The following RFX3 variants were observed in gnomAD, a reference collection of about 807,000 sequenced individuals.
RFX3 encodes transcription factor RFX3.
In RFX3, 14 loss-of-function variants were observed where a neutral mutation model predicts 98.6. The observed-to-expected ratio is 0.14, with a 90% CI of 0.09 to 0.22. The LOEUF (loss-of-function observed/expected upper bound fraction) is 0.22, where lower values mean the gene tolerates loss of function less well. Ranked by LOEUF, RFX3 falls within the 10% of genes least tolerant of loss-of-function variation. The pLI, the probability that RFX3 is intolerant of heterozygous loss-of-function variation, is 1.00. For synonymous variants in RFX3, 383 were observed against 328.4 expected, an observed-to-expected ratio of 1.17 and a Z score of -1.80; for missense variants, 639 against 926.9, an observed-to-expected ratio of 0.69 and a Z score of 4.03.
intron 14 of RFX3, among the ~76,000 whole-genome samples, chr9:3,254,430 C>G (rs930439039): frequency 4.6e-5 from 7 of 152,122 alleles, no homozygotes; most frequent in Non-Finnish European, 2.9e-5. Flanking sequence ...AGTCAGTGTA[C>G]TGCTGTTTCA....
At chr9:3,410,480 G>A (rs1422980669) in intron 1 of RFX3, among the ~76,000 whole-genome samples, 1 of 151,988 alleles carries the variant, frequency 6.6e-6, no homozygotes, top group Non-Finnish European at 1.5e-5. Flanking sequence ...AGTTTTCCTG[G>A]AAGAGGGAAA....
chr9:3,228,240 C>T (rs1387405241), intron 16 of RFX3, among the ~76,000 whole-genome samples: 1 of 152,090 alleles, frequency 6.6e-6, no homozygotes, highest in Non-Finnish European at 1.5e-5. Flanking sequence ...CCCCTAAGTC[C>T]ACCTTGCTTT....
chr9:3,369,586 G>C (rs1837578014), intron 2 of RFX3, among the ~76,000 whole-genome samples: 1 of 152,122 alleles, frequency 6.6e-6, no homozygotes, highest in Non-Finnish European at 1.5e-5. Flanking sequence ...AAAAGTAATT[G>C]AAATGGTAGA....
At chr9:3,390,043 T>C (rs533307837) in intron 2 of RFX3, among the ~76,000 whole-genome samples, 3 of 152,200 alleles carry the variant, frequency 2.0e-5, no homozygotes, top group South Asian at 4.1e-4. Context: ...TACTACACGG[T>C]GAAATTAGAA....
intron 1 of RFX3, among the ~76,000 whole-genome samples, chr9:3,512,045 T>C (rs928731743): frequency 6.6e-6 from 1 of 152,032 alleles, no homozygotes; most frequent in African/African-American, 2.4e-5. Context: ...TATGCATGTA[T>C]CGAAATATCC....
intron 15 of RFX3, among the ~76,000 whole-genome samples, chr9:3,242,643 C>T (rs757727826): frequency 2.6e-5 from 4 of 152,008 alleles, no homozygotes; most frequent in Admixed American, 2.6e-4. Context: ...GAGCTTTTAT[C>T]CCAAAAGCTT....
intron 4 of RFX3, among the ~76,000 whole-genome samples, chr9:3,315,154 C>T (rs1830441099): frequency 6.6e-6 from 1 of 152,088 alleles, no homozygotes; most frequent in Non-Finnish European, 1.5e-5. Context: ...TGTAAAAGAA[C>T]AGAAATTATA....
intron 6 of RFX3, among the ~76,000 whole-genome samples, chr9:3,291,613 T>C (rs911853300): frequency 6.6e-6 from 1 of 152,136 alleles, no homozygotes; most frequent in East Asian, 1.9e-4. Context: ...CTCCCAGTCA[T>C]GTAAAACTTA....
chr9:3,499,162 C>T (rs1276144550), intron 1 of RFX3, among the ~76,000 whole-genome samples: 1 of 152,046 alleles, frequency 6.6e-6, no homozygotes, highest in Non-Finnish European at 1.5e-5. Context: ...CTACCAATCC[C>T]AAGTTTTTAT....
chr9:3,259,589 C>G (rs978606614), intron 13 of RFX3, among the ~76,000 whole-genome samples: 11 of 151,484 alleles, frequency 7.3e-5, no homozygotes, highest in African/African-American at 2.7e-4. Context: ...CAACTATATG[C>G]AATAGCTAAG....
intron 1 of RFX3, among the ~76,000 whole-genome samples, chr9:3,431,436 A>G (rs186871935): frequency 5.3e-5 from 8 of 152,306 alleles, no homozygotes. Flanking sequence ...TACCAAAGGC[A>G]TGAACACAGC....
At chr9:3,259,190 T>G (rs1423476660) in intron 13 of RFX3, among the ~76,000 whole-genome samples, 1 of 152,072 alleles carries the variant, frequency 6.6e-6, no homozygotes, top group Non-Finnish European at 1.5e-5. Context: ...ACGTTGATAA[T>G]TGGAAGGAGA....
chr9:3,480,394 G>A (rs541366197), intron 1 of RFX3, among the ~76,000 whole-genome samples: 24 of 152,296 alleles, frequency 1.6e-4, no homozygotes, highest in South Asian at 1.0e-3. Flanking sequence ...AAAAGCATAA[G>A]TTGTCGGGCC....
At position 3,424,392 on chromosome 9, in the gene RFX3, C is replaced by T. The variant is rs576825387; in HGVS notation, c.-8-28796G>A. ...TTTTTTTTTTTTTGAGACGGAGTCT[C>T]GCTCTGTCGCCCAGGCTGGAGTGCA... On this transcript the variant is annotated intron_variant, in intron 1 of 16. Transcript: ENST00000617270. Among the ~76,000 whole-genome samples the T allele has an allele frequency of 9.3e-3, 1,017 of 109,530 alleles. 7 individuals carry two copies. The highest frequency in any genetic ancestry group is 0.013 in the Non-Finnish European group (750 of 58,710). The allele number at this position is 109,530 out of a possible 152,430, so 71.9% of individuals were successfully genotyped here.
rs975064289 is a variant in RFX3 at position 3,223,565 on chromosome 9, C to T, written c.*1477G>A. The T allele has an allele frequency of 6.6e-6, 1 of 152,222 alleles. No homozygotes were observed. The highest frequency in any genetic ancestry group is 2.1e-4 in the South Asian group (1 of 4,832). 9.4% of individuals were successfully genotyped at this position (152,222 alleles called of 1,614,324 possible). ...TAGCCTGCTATTCCACACCCTTAAG[C>T]AATCTGATTTGTAATCAAGTAATAT... On this transcript the variant is annotated 3_prime_UTR_variant, in exon 17 of 17. Coordinates refer to ENST00000617270, the MANE Select transcript of RFX3 (RefSeq NM_001282116.2).
chr9:3,518,990 T>C (rs1554731556), intron 1 of RFX3, among the ~76,000 whole-genome samples: 2 of 152,048 alleles, frequency 1.3e-5, no homozygotes, highest in Non-Finnish European at 2.9e-5. Context: ...GACTAGACTA[T>C]TTATTATTAT....
intron 1 of RFX3, among the ~76,000 whole-genome samples, chr9:3,430,054 G>C (rs894462677): frequency 3.3e-5 from 5 of 152,190 alleles, no homozygotes; most frequent in African/African-American, 1.2e-4. Flanking sequence ...GTTCAAGCAA[G>C]TGATTTCTGT....
At position 3,371,771 on chromosome 9, in the gene RFX3, T is replaced by C. The variant is rs112783915; in HGVS notation, c.117+23701A>G. On this transcript the variant is annotated intron_variant, in intron 2 of 16. Coordinates refer to ENST00000617270, the MANE Select transcript of RFX3 (RefSeq NM_001282116.2). Reference sequence around the variant, plus strand: ...GTAGAGAACAGAAGGCTAGTAATAATAGTCTTTATTCAAATAGAGGAAGGA... The same window carrying C: ...GTAGAGAACAGAAGGCTAGTAATAACAGTCTTTATTCAAATAGAGGAAGGA... Among the ~76,000 whole-genome samples, 519 of 152,268 alleles carry C rather than the reference T, an allele frequency of 3.4e-3. 6 individuals carry two copies. The highest frequency in any genetic ancestry group is 0.012 in the African/African-American group (493 of 41,552).
rs12683269 is a variant in RFX3, at chr9:3,220,888, G to T, written c.*4154C>A. ...ATACTAGGATTCCATTAATTGATTC[G>T]TTCTAACCATATACATGGAGGTTGT... On this transcript the variant is annotated 3_prime_UTR_variant, in exon 17 of 17. Coordinates refer to ENST00000617270, the MANE Select transcript of RFX3 (RefSeq NM_001282116.2). 7 of 151,992 alleles carry T rather than the reference G, an allele frequency of 4.6e-5. No homozygotes were observed. The highest frequency in any genetic ancestry group is 1.9e-4 in the East Asian group (1 of 5,174). 9.4% of individuals were successfully genotyped at this position (151,992 alleles called of 1,614,324 possible).
Sources: gnomAD v4.1 joint callset for allele counts (sites outside exome capture counted in the v4.1 genomes callset) on GRCh38, gnomAD v4.1.1 for gene constraint, MANE v1.5 for transcripts, NCBI Gene and HGNC (gene_info 2026-07-23, HGNC 2026-07-21) for gene names.